The following CAMTA1 variants were observed in gnomAD, a reference collection of about 807,000 sequenced individuals.
The protein encoded by CAMTA1 is calmodulin binding transcription activator 1.
Under a neutral mutation model 170.9 loss-of-function variants are expected in CAMTA1, and 27 were observed. The ratio of observed to expected loss-of-function variants is 0.16; its 90% CI spans 0.12 to 0.22. CAMTA1 has a LOEUF of 0.22. CAMTA1 is among the 10% of genes least tolerant of loss of function. The pLI is 1.00. For missense variants in CAMTA1, 1,619 were observed against 2,217.2 expected (o/e 0.73, Z 5.42); for synonymous variants, 833 against 891.5 (o/e 0.93, Z 1.17).
At chr1:7,184,484 G>A (rs1652852112) in intron 4 of CAMTA1, among the ~76,000 whole-genome samples, 1 of 152,072 alleles carries the variant, frequency 6.6e-6, no homozygotes, top group African/African-American at 2.4e-5. Context: ...TGTACCCCAT[G>A]CATATATACC....
rs2095304140 is a variant in CAMTA1 at position 7,585,745 on chromosome 1, A to AG, written c.511-54649dup. On this transcript the variant is annotated intron_variant, in intron 6 of 22. Coordinates refer to ENST00000303635, the MANE Select transcript of CAMTA1 (RefSeq NM_015215.4). This position sits in a 1 kb window ranked among gnomAD's most constrained non-coding sequence, Gnocchi z 4.8. ...GGGGTGCCCAGTTCATACATCCTAG[A>AG]GGGGGGCTCTCTTGTGGACAGACAG... is the stretch of plus-strand genomic sequence containing the variant. Among the ~76,000 whole-genome samples, 1 of 151,968 alleles carries AG rather than the reference A, an allele frequency of 6.6e-6. No homozygotes were observed. The highest frequency in any genetic ancestry group is 6.5e-5 in the Admixed American group (1 of 15,272).
intron 6 of CAMTA1, among the ~76,000 whole-genome samples, chr1:7,479,942 AGT>A (rs1340000047): frequency 1.4e-5 from 2 of 144,558 alleles, no homozygotes; most frequent in Non-Finnish European, 3.0e-5. Context: ...TGTGTGTATG[AGT>A]GTATGTCAGT....
chr1:7,179,486 A>T lies in CAMTA1; in HGVS notation c.303-70005A>T, dbSNP rs913393852. On this transcript the variant is annotated intron_variant, in intron 4 of 22. Transcript: ENST00000303635. The stretch of plus-strand genomic sequence containing the variant: ...CTCAGGTATACATGGAGCATTTACA[A>T]ACAGTTATATATTAGCTCACAAAGA... Among the ~76,000 whole-genome samples the T allele has an allele frequency of 7.2e-5, 11 of 152,252 alleles. No homozygotes were observed. The South Asian group carries it at 2.1e-3, about 29-fold the overall frequency.
At chr1:7,083,338 G>T (rs1640281415) in intron 3 of CAMTA1, among the ~76,000 whole-genome samples, 1 of 152,128 alleles carries the variant, frequency 6.6e-6, no homozygotes, top group South Asian at 2.1e-4. Context: ...TGCATTCCAT[G>T]CAAATAAAAA....
chr1:6,844,157 A>C (rs1272461790), intron 3 of CAMTA1, among the ~76,000 whole-genome samples: 1 of 152,202 alleles, frequency 6.6e-6, no homozygotes, highest in Non-Finnish European at 1.5e-5. Context: ...ATATTGTTTG[A>C]TTCTGTATAC....
chr1:6,864,720 T>C (rs565983009), intron 3 of CAMTA1, among the ~76,000 whole-genome samples: 6 of 152,306 alleles, frequency 3.9e-5, no homozygotes, highest in Admixed American at 3.9e-4. Flanking sequence ...ACATGTTGTT[T>C]CTTCAGGGGA....
At chr1:7,069,196 G>T (rs777173797) in intron 3 of CAMTA1, among the ~76,000 whole-genome samples, 1 of 152,150 alleles carries the variant, frequency 6.6e-6, no homozygotes, top group Non-Finnish European at 1.5e-5. Flanking sequence ...CCACGAAGAG[G>T]CCGTTGTCAT....
intron 4 of CAMTA1, among the ~76,000 whole-genome samples, chr1:7,222,168 T>C (rs1176377997): frequency 2.0e-5 from 3 of 152,176 alleles, no homozygotes; most frequent in Non-Finnish European, 4.4e-5. Flanking sequence ...TGAAACACTT[T>C]GGGGCCATCA....
At chr1:7,766,040 A>AC (rs2097020926) in intron 22 of CAMTA1, among the ~76,000 whole-genome samples, 2 of 124,538 alleles carry the variant, frequency 1.6e-5, no homozygotes, top group East Asian at 2.8e-4. Flanking sequence ...AAAAAAAAAA[A>AC]AAAAACTAAA....
intron 3 of CAMTA1, among the ~76,000 whole-genome samples, chr1:6,840,473 G>A (rs1010216147): frequency 9.9e-5 from 15 of 152,124 alleles, no homozygotes; most frequent in African/African-American, 3.4e-4. Context: ...GGGGGTAAAG[G>A]AAAGGAGAAA....
rs890833339 is a variant in CAMTA1, at chr1:7,108,830, C to T, written c.302+17459C>T. The stretch of plus-strand genomic sequence containing the variant: ...TTATGTATCATTTTGCCCTGTCTGT[C>T]AGTCAGGAATCCAGGACAACTTAGC... On this transcript the variant is annotated intron_variant, in intron 4 of 22. Transcript: ENST00000303635. Among the ~76,000 whole-genome samples the T allele has an allele frequency of 2.6e-5, 4 of 152,204 alleles. No individual in the cohort carries two copies. In the South Asian group the frequency reaches 8.3e-4, roughly 31 times the overall value.
intron 6 of CAMTA1, among the ~76,000 whole-genome samples, chr1:7,571,823 G>A (rs1312636470): frequency 1.3e-5 from 2 of 152,130 alleles, no homozygotes; most frequent in Admixed American, 6.6e-5. Context: ...CTTTATGGTG[G>A]AACAATTTAT....
chr1:6,816,390 C>T (rs1430388025), intron 1 of CAMTA1, among the ~76,000 whole-genome samples: 2 of 152,112 alleles, frequency 1.3e-5, no homozygotes, highest in East Asian at 3.9e-4. Context: ...TGCTGTGTCC[C>T]AGCTTGCGAA....
At chr1:6,914,722 C>T (rs576078743) in intron 3 of CAMTA1, among the ~76,000 whole-genome samples, 5 of 152,310 alleles carry the variant, frequency 3.3e-5, no homozygotes, top group Non-Finnish European at 7.4e-5. Context: ...CTGGCTTGAA[C>T]GAGCCAGGGG....
At chr1:7,098,495 T>C (rs939402454) in intron 4 of CAMTA1, among the ~76,000 whole-genome samples, 1 of 152,186 alleles carries the variant, frequency 6.6e-6, no homozygotes, top group African/African-American at 2.4e-5. Context: ...CCTCGCAGGG[T>C]ACCTGTCACG....
At chr1:7,357,318 C>A (rs1378086749) in intron 5 of CAMTA1, among the ~76,000 whole-genome samples, 1 of 152,200 alleles carries the variant, frequency 6.6e-6, no homozygotes, top group Non-Finnish European at 1.5e-5. Context: ...CAAGCCTTGC[C>A]CTTTTTGGCT....
intron 3 of CAMTA1, among the ~76,000 whole-genome samples, chr1:6,916,451 C>T (rs575067295): frequency 7.9e-5 from 12 of 152,298 alleles, no homozygotes; most frequent in African/African-American, 2.2e-4. Flanking sequence ...GCTGCTCTCC[C>T]CCAGCATTTA....
intron 3 of CAMTA1, among the ~76,000 whole-genome samples, chr1:7,047,528 C>T (rs1558021131): frequency 6.6e-6 from 1 of 152,170 alleles, no homozygotes; most frequent in Non-Finnish European, 1.5e-5. Flanking sequence ...CTTCTCCATT[C>T]CTGTCCCCAC....
At chr1:7,508,193 G>A (rs1190588177) in intron 6 of CAMTA1, among the ~76,000 whole-genome samples, 1 of 152,230 alleles carries the variant, frequency 6.6e-6, no homozygotes. Flanking sequence ...CTGACTCTGA[G>A]CTTGGGCTTG....
Sources: allele counts gnomAD v4.1 joint callset (sites outside exome capture counted in the v4.1 genomes callset), GRCh38; gene constraint gnomAD v4.1.1; non-coding constraint Gnocchi (gnomAD v3.1); transcripts MANE v1.5; gene names NCBI Gene and HGNC (gene_info 2026-07-23, HGNC 2026-07-21).